Variants in LHX6 observed in about 807,000 individuals in gnomAD.
LHX6 encodes LIM/homeobox protein Lhx6.
In LHX6, 15 loss-of-function variants were observed where a neutral mutation model predicts 47.1. That is an observed-to-expected ratio of 0.32 (90% CI 0.21 to 0.49). The LOEUF is 0.49. LHX6 is among the 20% of genes least tolerant of loss of function. LHX6 has a pLI of 0.99. For synonymous variants in LHX6, 242 were observed against 233.5 expected (o/e 1.04, Z -0.33); for missense variants, 404 against 539.6 (o/e 0.75, Z 2.49).
At chr9:122,221,235 C>A (rs1458113755) in intron 4 of LHX6, 2 of 985,292 alleles carry the variant, frequency 2.0e-6, no homozygotes, top group East Asian at 1.1e-4. Context: ...GGAAAAAAAA[C>A]CCAGAACCAG....
rs1474458901 is a variant in LHX6, at chr9:122,213,618, C to T, written c.1042G>A (p.Gly348Ser). Reference sequence around the variant, plus strand: ...TGCGGTTACTTACTCTCAATGTAGCCGTGCAGGGTGACCATGCGCGCCCGC... The same window carrying T: ...TGCGGTTACTTACTCTCAATGTAGCTGTGCAGGGTGACCATGCGCGCCCGC... ...PERARMVTLH[G>S]YIESQVQCGQ... Residue 348 changes from glycine (G) to serine (S), a missense_variant, in exon 8 of 10, where the codon GGC (glycine) becomes AGC (serine). This residue lies in a region of LHX6 where 127 missense variants were observed against 116.1 expected (regional missense o/e 1.09). Coordinates refer to ENST00000394319, the MANE Select transcript of LHX6 (RefSeq NM_014368.5). This position sits in a 1 kb window ranked among gnomAD's most constrained non-coding sequence, Gnocchi z 5.5. The T allele has an allele frequency of 4.4e-6, 7 of 1,599,642 alleles. No individual in the cohort carries two copies. Among genetic ancestry groups the T allele is most frequent in the Admixed American group, 1.7e-5 (1 of 59,620 alleles).
rs891123055 is a variant in LHX6, at chr9:122,214,074, G to C, written c.784-5C>G. 15 of 1,598,612 alleles carry C rather than the reference G, an allele frequency of 9.4e-6. No homozygotes were observed. Among genetic ancestry groups the C allele is most frequent in the Non-Finnish European group, 1.2e-5 (14 of 1,178,546 alleles). On this transcript the variant is annotated splice_region_variant and splice_polypyrimidine_tract_variant and intron_variant, in intron 6 of 9. Coordinates refer to ENST00000394319, the MANE Select transcript of LHX6 (RefSeq NM_014368.5). This position sits in a 1 kb window ranked among gnomAD's most constrained non-coding sequence, Gnocchi z 4.6. ...CGCGAACTGCGCCTGCATAACCTGCGGGGCGGGGAGGGCGGTGAGGCGCTC... is the reference window on the plus strand; with the variant it reads ...CGCGAACTGCGCCTGCATAACCTGCCGGGCGGGGAGGGCGGTGAGGCGCTC...
intron 4 of LHX6, among the ~76,000 whole-genome samples, chr9:122,222,211 C>A (rs1010477037): frequency 1.3e-5 from 2 of 152,178 alleles, no homozygotes; most frequent in African/African-American, 4.8e-5. Context: ...CACTGCAGAT[C>A]GGGCCATGCC....
At chr9:122,219,352 G>A (rs1222645321) in intron 4 of LHX6, among the ~76,000 whole-genome samples, 2 of 152,234 alleles carry the variant, frequency 1.3e-5, no homozygotes, top group Non-Finnish European at 2.9e-5. Context: ...AGCACAGGCG[G>A]TTCCGGACCT....
At position 122,214,448 on chromosome 9, in the gene LHX6, G is replaced by A; in HGVS notation, c.683-65C>T. 2.1e-6 allele frequency: 3 copies of A among 1,445,562 alleles called. No homozygotes were observed. The highest frequency in any genetic ancestry group is 2.7e-6 in the Non-Finnish European group (3 of 1,103,620). 89.5% of individuals were successfully genotyped at this position (1,445,562 alleles called of 1,614,324 possible). ...CTTCTAGTGGCAGCCTGGAAAGGAC[G>A]GGGGTGGGGGGAGCTTGTCCCTGGA... is the stretch of plus-strand genomic sequence containing the variant. On this transcript the variant is annotated intron_variant, in intron 5 of 9. Transcript: ENST00000394319. The surrounding 1 kb of genome is among the most constrained non-coding windows in gnomAD (Gnocchi z 4.6).
At chr9:122,227,576 C>A in intron 1 of LHX6, 96 bp from the exon 2 acceptor site, 1 of 1,410,178 alleles carries the variant, frequency 7.1e-7, no homozygotes, top group Middle Eastern at 1.9e-4. Flanking sequence ...TTATATAAAC[C>A]GGCGCCGAAC....
chr9:122,228,243 A>C (rs1244108418), intron 1 of LHX6: 1 of 1,533,756 alleles, frequency 6.5e-7, no homozygotes, highest in African/African-American at 1.4e-5. Flanking sequence ...GGGACCAAAA[A>C]GAGAAAAGAG....
chr9:122,209,878 ATCT>A (rs1458897960), intron 8 of LHX6, among the ~76,000 whole-genome samples, 161 bp from the exon 9 acceptor site: 1 of 150,866 alleles, frequency 6.6e-6, no homozygotes, highest in Non-Finnish European at 1.5e-5. Context: ...GGTTGTGATG[ATCT>A]TTTTTTTTTT....
rs569961333 is a variant in LHX6 at position 122,210,175 on chromosome 9, C to G, written c.1055-458G>C. Among the ~76,000 whole-genome samples, 446 of 152,300 alleles carry G rather than the reference C, an allele frequency of 2.9e-3. 3 individuals are homozygous for G. Among genetic ancestry groups the G allele is most frequent in the African/African-American group, 0.01 (433 of 41,568 alleles). On this transcript the variant is annotated intron_variant, in intron 8 of 9. Coordinates refer to ENST00000394319, the MANE Select transcript of LHX6 (RefSeq NM_014368.5). ...CCTCATGATCTGCCCGCCTCGGCCT[C>G]CCAAAGTGCTGGGATTACAGGCATG...
Position 122,202,995 on chromosome 9 carries a change from T to C in LHX6, c.*1765A>G, listed in dbSNP as rs561264595. On this transcript the variant is annotated 3_prime_UTR_variant, in exon 10 of 10. Transcript: ENST00000394319. Reference sequence around the variant, plus strand: ...AAGATTTGAGCTCCAAGGCCAGGAATTGGGCCCTGGTTGCTCCTGTTAATG... The same window carrying C: ...AAGATTTGAGCTCCAAGGCCAGGAACTGGGCCCTGGTTGCTCCTGTTAATG... 1 of 152,566 alleles carries C rather than the reference T, an allele frequency of 6.6e-6. No individual in the cohort carries two copies. The highest frequency in any genetic ancestry group is 6.5e-5 in the Admixed American group (1 of 15,298). The allele number at this position is 152,566 out of a possible 1,614,324, so 9.5% of individuals were successfully genotyped here.
chr9:122,213,521 C>A lies in LHX6; in HGVS notation c.1054+85G>T. 3.1e-6 allele frequency: 4 copies of A among 1,288,236 alleles called. No homozygotes were observed. The highest frequency in any genetic ancestry group is 1.5e-5 in the South Asian group (1 of 66,376). 79.8% of individuals were successfully genotyped at this position (1,288,236 alleles called of 1,614,324 possible). On this transcript the variant is annotated intron_variant, in intron 8 of 9. Transcript: ENST00000394319. This position sits in a 1 kb window ranked among gnomAD's most constrained non-coding sequence, Gnocchi z 5.5. ...CGAGGCTCCCCAAGGCCCTCCACCC[C>A]ACGCCTCGGCCTCAGCCGCCCACGT...
chr9:122,220,337 C>T (rs1199574145), intron 4 of LHX6, among the ~76,000 whole-genome samples: 1 of 152,232 alleles, frequency 6.6e-6, no homozygotes, highest in Non-Finnish European at 1.5e-5. Context: ...GTCCTCGCGC[C>T]AGATCCTTGA....
At chr9:122,211,064 T>A (rs1830381389) in intron 8 of LHX6, among the ~76,000 whole-genome samples, 1 of 152,180 alleles carries the variant, frequency 6.6e-6, no homozygotes, top group South Asian at 2.1e-4. Flanking sequence ...TATTCCAACA[T>A]CTAAAACTGT....
intron 8 of LHX6, among the ~76,000 whole-genome samples, chr9:122,212,805 C>A (rs1037437442): frequency 6.6e-6 from 1 of 152,166 alleles, no homozygotes; most frequent in Admixed American, 6.5e-5. Context: ...GAGTGCAAAC[C>A]CCAGGAGCAC....
Position 122,228,359 on chromosome 9 carries a change from G to C in LHX6, c.84+298C>G, listed in dbSNP as rs761218901. On this transcript the variant is annotated intron_variant, in intron 1 of 9. Transcript: ENST00000394319. The stretch of plus-strand genomic sequence containing the variant: ...GCGCCGGCACAACCCCCGGCGCATC[G>C]GCGCTATCAGCGCCTATTCAGACGG... The C allele has an allele frequency of 3.4e-5, 52 of 1,530,494 alleles. No homozygotes were observed. In the South Asian group the frequency reaches 6.0e-4, roughly 18 times the overall value. The allele number at this position is 1,530,494 out of a possible 1,614,324, so 94.8% of individuals were successfully genotyped here. A position where few individuals can be genotyped will look rare whatever the true frequency, so the allele number is the denominator to read the frequency against.
intron 1 of LHX6, chr9:122,228,311 C>T: frequency 6.5e-7 from 1 of 1,534,822 alleles, no homozygotes; most frequent in Non-Finnish European, 8.7e-7. Context: ...GGGTACCGGC[C>T]CCGCGTCGGG....
chr9:122,220,932 G>A (rs1483555633), intron 4 of LHX6: 8 of 206,512 alleles, frequency 3.9e-5, no homozygotes, highest in African/African-American at 7.1e-5. Flanking sequence ...TTGGATGAAT[G>A]AGCCTCAACG....
intron 5 of LHX6, among the ~76,000 whole-genome samples, chr9:122,215,977 C>G (rs549841138): frequency 6.6e-6 from 1 of 152,268 alleles, no homozygotes; most frequent in South Asian, 2.1e-4. Context: ...AAAACAGAGG[C>G]AGCTACATCC....
rs1311936642 is a variant in LHX6 at position 122,213,649 on chromosome 9, G to A, written c.1011C>T (p.Ser337=). The A allele has an allele frequency of 6.2e-7, 1 of 1,609,894 alleles. No homozygotes were observed. The highest frequency in any genetic ancestry group is 8.5e-7 in the Non-Finnish European group (1 of 1,178,406). ...SDDIHYTPFS[S]PERARMVTLH... ...GGGTGACCATGCGCGCCCGCTCGGG[G>A]CTGCTGAACGGGGTGTAGTGGATGT... The change falls in exon 8 of 10, where the codon AGC becomes AGT. Residue 337 remains serine (S), a synonymous_variant. Transcript: ENST00000394319. The surrounding 1 kb of genome is among the most constrained non-coding windows in gnomAD (Gnocchi z 5.5).
Sources: gnomAD v4.1 joint callset for allele counts (sites outside exome capture counted in the v4.1 genomes callset) on GRCh38, gnomAD v4.1.1 for gene constraint, gnomAD v4.1.1 regional missense constraint, Gnocchi (gnomAD v3.1) non-coding constraint, MANE v1.5 for transcripts, NCBI Gene and HGNC (gene_info 2026-07-23, HGNC 2026-07-21) for gene names.